Variants in FER1L5 observed in about 807,000 individuals in gnomAD.
FER1L5 encodes the protein fer-1-like protein 5.
FER1L5 carries 187 observed loss-of-function variants against 279.9 expected under a neutral mutation model. That is an observed-to-expected ratio of 0.67 (90% confidence interval 0.59 to 0.75). The LOEUF is 0.75. FER1L5 is among the 30% of genes least tolerant of loss of function. The probability of loss-of-function intolerance (pLI) is 0.00; values close to 1 mark genes in which losing one functional copy is unlikely to be tolerated. For synonymous variants in FER1L5, 921 were observed against 989.7 expected (o/e 0.93, Z 1.30); for missense variants, 2,091 against 2,594.4 (o/e 0.81, Z 4.21).
chr2:96,643,418 C>T lies in FER1L5; in HGVS notation c.85+497C>T, dbSNP rs185188029. Among the ~76,000 whole-genome samples the T allele has an allele frequency of 3.3e-5, 5 of 151,574 alleles. No individual in the cohort carries two copies. The East Asian group carries it at 7.8e-4, about 24-fold the overall frequency. The stretch of plus-strand genomic sequence containing the variant: ...AGGCTACAGTGCAGTGGTGTGATCT[C>T]GGCTCACTGCAACCTCTGCCTCCCA... On this transcript the variant is annotated intron_variant, in intron 1 of 52. Coordinates refer to ENST00000624922, the MANE Select transcript of FER1L5 (RefSeq NM_001293083.2).
At chr2:96,663,537 T>TC in intron 14 of FER1L5, 30 bp downstream of exon 14, 1 of 1,548,220 alleles carries the variant, frequency 6.5e-7, no homozygotes, top group East Asian at 2.4e-5. Context: ...CCCACCCTTC[T>TC]CCCACATCCC....
At chr2:96,643,938 G>C (rs2074998540) in intron 1 of FER1L5, among the ~76,000 whole-genome samples, 1 of 151,738 alleles carries the variant, frequency 6.6e-6, no homozygotes, top group Non-Finnish European at 1.5e-5. Flanking sequence ...TTGGGAGGCT[G>C]AGGCAGGCAG....
At chr2:96,652,269 C>G in intron 7 of FER1L5, 1 of 524,260 alleles carries the variant, frequency 1.9e-6, no homozygotes, top group East Asian at 3.4e-5. Flanking sequence ...CAGAGCAGAT[C>G]CTGGTTTACA....
At chr2:96,654,937 C>A (rs2075540767) in intron 9 of FER1L5, 1 of 151,388 alleles carries the variant, frequency 6.6e-6, no homozygotes, top group Admixed American at 6.6e-5. Flanking sequence ...AAGATCCAGG[C>A]TTGTATCCAC....
intron 39 of FER1L5, 122 bp from the exon 40 acceptor site, chr2:96,697,915 G>A (rs2077443313): frequency 1.4e-6 from 2 of 1,469,068 alleles, no homozygotes; most frequent in Non-Finnish European, 1.8e-6. Flanking sequence ...GAAGCACACA[G>A]TGCTGGCCCC....
intron 10 of FER1L5, 63 bp downstream of exon 10, chr2:96,660,434 A>G (rs2075911969): frequency 1.2e-5 from 17 of 1,475,506 alleles, no homozygotes; most frequent in Non-Finnish European, 1.6e-5. Context: ...GGGTCAGAAT[A>G]TCTTAAAATC....
Position 96,670,155 on chromosome 2 carries a change from C to T in FER1L5, c.1399C>T (p.Arg467Ter), listed in dbSNP as rs1454978214. 3.9e-6 allele frequency: 6 copies of T among 1,551,482 alleles called. No individual in the cohort carries two copies. Among genetic ancestry groups the T allele is most frequent in the South Asian group, 1.2e-5 (1 of 84,060 alleles). The change falls in exon 18 of 53, where the codon CGA (arginine) becomes TGA (stop). Residue 467 changes from arginine (R) to a stop codon, truncating the protein, a stop_gained. Transcript: ENST00000624922. LOFTEE classifies it high-confidence loss of function. ...CTCTGTTAGGGATGGTTTAGCTTAT[C>T]GAGGCCGAGTCTTCCTGGAGTTAAT... is the stretch of plus-strand genomic sequence containing the variant. ...PDSVRDGLAYRGRVFLELITQ... is the reference protein window; with the variant it reads ...PDSVRDGLAY
At position 96,649,487 on chromosome 2, in the gene FER1L5, G is replaced by A. The variant is rs941126422; in HGVS notation, c.340-136G>A. 5 of 750,482 alleles carry A rather than the reference G, an allele frequency of 6.7e-6. No individual in the cohort carries two copies. The African/African-American group carries it at 6.9e-5, about 10-fold the overall frequency. The allele number at this position is 750,482 out of a possible 1,614,324, so 46.5% of individuals were successfully genotyped here. Reference sequence around the variant, plus strand: ...CAGACTGTGCAGATGCCCATGGTGTGGCCCCATCCCATGACTAGCATCACG... The same window carrying A: ...CAGACTGTGCAGATGCCCATGGTGTAGCCCCATCCCATGACTAGCATCACG... On this transcript the variant is annotated intron_variant, in intron 4 of 52. Coordinates refer to ENST00000624922, the MANE Select transcript of FER1L5 (RefSeq NM_001293083.2).
Position 96,673,091 on chromosome 2 carries a change from C to T in FER1L5, c.1506C>T (p.Arg502=). 1 of 1,551,428 alleles carries T rather than the reference C, an allele frequency of 6.4e-7. No individual in the cohort carries two copies. The highest frequency in any genetic ancestry group is 8.7e-7 in the Non-Finnish European group (1 of 1,146,880). ...EVTRIEKHQN[R]QKYGLCVIFL... ...TATTGTTTCAGAAGCACCAGAACCG[C>T]CAAAAGTATGGGCTGTGCGTCATCT... The change falls in exon 19 of 53, where the codon CGC becomes CGT. Residue 502 remains arginine (R), a synonymous_variant. Coordinates refer to ENST00000624922, the MANE Select transcript of FER1L5 (RefSeq NM_001293083.2).
Position 96,661,319 on chromosome 2 carries a change from C to G in FER1L5, c.779-6C>G. The G allele has an allele frequency of 6.5e-7, 1 of 1,533,748 alleles. No homozygotes were observed. Among genetic ancestry groups the G allele is most frequent in the Non-Finnish European group, 8.8e-7 (1 of 1,138,212 alleles). ...CAGATCTCCCATGGCCTTTCTGCCT[C>G]TCTAGGTCACACACTCCTAAGGAAA... On this transcript the variant is annotated splice_polypyrimidine_tract_variant and splice_region_variant and intron_variant, in intron 10 of 52. Coordinates refer to ENST00000624922, the MANE Select transcript of FER1L5 (RefSeq NM_001293083.2).
At position 96,702,479 on chromosome 2, in the gene FER1L5, G is replaced by C; in HGVS notation, c.5255+78G>C. On this transcript the variant is annotated intron_variant, in intron 47 of 52. Coordinates refer to ENST00000624922, the MANE Select transcript of FER1L5 (RefSeq NM_001293083.2). This position sits in a 1 kb window ranked among gnomAD's most constrained non-coding sequence, Gnocchi z 4.0. The stretch of plus-strand genomic sequence containing the variant: ...CATCCTGCTGGCACGGCCCAGTCCT[G>C]AATGGGACACCTCTCCATCCAGCTC... 1 of 1,555,098 alleles carries C rather than the reference G, an allele frequency of 6.4e-7. No individual in the cohort carries two copies. The highest frequency in any genetic ancestry group is 1.7e-4 in the Middle Eastern group (1 of 5,986).
Position 96,702,719 on chromosome 2 carries a change from G to A in FER1L5, c.5375G>A (p.Arg1792His), listed in dbSNP as rs757956348. Residue 1792 changes from arginine to histidine, a missense_variant, in exon 48 of 53, where the codon CGC becomes CAC. Arg to His is a conservative substitution (Grantham distance 29). Transcript: ENST00000624922. This position sits in a 1 kb window ranked among gnomAD's most constrained non-coding sequence, Gnocchi z 4.0. ...ACCATGGACTACCTGGCGGCGGAGC[G>A]CACGTGTGTCCAGAGCCAGAAGGTA... ...IFTMDYLAAE[R>H]TCVQSQKDYI... 4.3e-6 allele frequency: 7 copies of A among 1,612,896 alleles called. No individual in the cohort carries two copies. The highest frequency in any genetic ancestry group is 1.7e-5 in the Admixed American group (1 of 59,878).
intron 23 of FER1L5, 196 bp from the exon 24 acceptor site, chr2:96,687,620 C>A: frequency 1.3e-6 from 1 of 768,234 alleles, no homozygotes; most frequent in Non-Finnish European, 2.1e-6. Flanking sequence ...TCATGGCTCC[C>A]AGGGTGGAGC....
rs1212312955 is a variant in FER1L5 at position 96,698,808 on chromosome 2, G to A, written c.4494G>A (p.Leu1498=). Residue 1498 remains leucine (L), a synonymous_variant, in exon 41 of 53, where the codon CTG becomes CTA. Transcript: ENST00000624922. This position sits in a 1 kb window ranked among gnomAD's most constrained non-coding sequence, Gnocchi z 5.5. ...VRVYMVRAIN[L]QPQDYNGLCD... ...TGTACATGGTACGAGCCATCAACCT[G>A]CAGCCCCAGGACTACAATGGCCTGG... The A allele has an allele frequency of 6.4e-7, 1 of 1,564,112 alleles. No homozygotes were observed. Among genetic ancestry groups the A allele is most frequent in the Admixed American group, 1.9e-5 (1 of 52,772 alleles).
intron 2 of FER1L5, 131 bp from the exon 3 acceptor site, chr2:96,646,933 A>T: frequency 1.1e-6 from 1 of 929,372 alleles, no homozygotes; most frequent in Non-Finnish European, 1.6e-6. Context: ...TGAGGAAATT[A>T]GACATGAGGG....
At chr2:96,671,331 C>T (rs1573863861) in intron 18 of FER1L5, among the ~76,000 whole-genome samples, 2 of 152,234 alleles carry the variant, frequency 1.3e-5, no homozygotes, top group South Asian at 4.1e-4. Context: ...AACAGGAATA[C>T]AGCCTTGCTG....
In FER1L5 at chr2:96,703,503, C is replaced by G. The variant is rs530017808; in HGVS notation, c.5692-20C>G. 3.1e-5 allele frequency: 50 copies of G among 1,613,622 alleles called. No homozygotes were observed. The East Asian group carries it at 7.8e-4, about 25-fold the overall frequency. On this transcript the variant is annotated intron_variant, in intron 50 of 52. Transcript: ENST00000624922. The stretch of plus-strand genomic sequence containing the variant: ...CCTGCTGTCTGCACTCAGCCTCCCC[C>G]TCACCCATGGTGTTCCTAGGGCAAG...
At chr2:96,657,663 AGAT>A (rs2075652850) in intron 9 of FER1L5, among the ~76,000 whole-genome samples, 1 of 152,120 alleles carries the variant, frequency 6.6e-6, no homozygotes, top group Non-Finnish European at 1.5e-5. Flanking sequence ...TCTTATTAAT[AGAT>A]AAGTATTTCC....
In FER1L5 at chr2:96,644,310, C is replaced by T. The variant is rs140032926; in HGVS notation, c.85+1389C>T. On this transcript the variant is annotated intron_variant, in intron 1 of 52. Coordinates refer to ENST00000624922, the MANE Select transcript of FER1L5 (RefSeq NM_001293083.2). ...TGGCTAACACGGTGAAACCCCGTCT[C>T]TACTAAAAATACAAAAAAAAAAAAT... is the stretch of plus-strand genomic sequence containing the variant. Among the ~76,000 whole-genome samples, 883 of 151,066 alleles carry T rather than the reference C, an allele frequency of 5.8e-3. 11 individuals carry two copies. Among genetic ancestry groups the T allele is most frequent in the African/African-American group, 0.02 (830 of 40,970 alleles).
Sources: allele counts gnomAD v4.1 joint callset (sites outside exome capture counted in the v4.1 genomes callset), GRCh38; gene constraint gnomAD v4.1.1; non-coding constraint Gnocchi (gnomAD v3.1); transcripts MANE v1.5; gene names NCBI Gene and HGNC (gene_info 2026-07-23, HGNC 2026-07-21).